SYNE1: variants seen among roughly 807,000 people sequenced by gnomAD.
The protein encoded by SYNE1 is nesprin-1.
Under a neutral mutation model 1,111.0 loss-of-function variants are expected in SYNE1, and 616 were observed. The observed-to-expected ratio is 0.55, with a 90% CI of 0.52 to 0.59. SYNE1 has a LOEUF of 0.59. Among genes scored for constraint, SYNE1 ranks in the 20% least tolerant of loss-of-function variants. SYNE1 has a pLI of 0.00. For missense variants in SYNE1, 10,006 were observed against 10,417.0 expected (o/e 0.96, Z 1.72); for synonymous variants, 3,855 against 3,825.8 (o/e 1.01, Z -0.28).
chr6:152,390,185 T>C, intron 53 of SYNE1, 95 bp downstream of exon 53: 1 of 1,373,350 alleles, frequency 7.3e-7, no homozygotes, highest in Non-Finnish European at 1.0e-6. Context: ...AGTAAAATGC[T>C]TGGGAATTCC....
At chr6:152,490,956 T>C (rs2098967144) in intron 11 of SYNE1, among the ~76,000 whole-genome samples, 1 of 152,336 alleles carries the variant, frequency 6.6e-6, no homozygotes. Context: ...CCAATTCCAG[T>C]TCTTTTTCCT....
chr6:152,289,264 C>T (rs956165635), intron 95 of SYNE1, among the ~76,000 whole-genome samples: 1 of 152,160 alleles, frequency 6.6e-6, no homozygotes, highest in African/African-American at 2.4e-5. Context: ...TAATTGCAAA[C>T]TTGGCATGTG....
rs1005527263 is a variant in SYNE1, at chr6:152,278,397, A to AT, written c.18382-118dup. Reference sequence around the variant, plus strand: ...TTTACGAAACGGACAGGCTTTCATGATTTTTTGTAGTTTTCCCACGGCCTT... The same window carrying AT: ...TTTACGAAACGGACAGGCTTTCATGATTTTTTTGTAGTTTTCCCACGGCCTT... On this transcript the variant is annotated intron_variant, in intron 97 of 145. Transcript: ENST00000367255. The AT allele has an allele frequency of 5.5e-5, 69 of 1,258,868 alleles. No individual in the cohort carries two copies. In the African/African-American group the frequency reaches 7.0e-4, roughly 13 times the overall value. 78.0% of individuals were successfully genotyped at this position (1,258,868 alleles called of 1,614,324 possible). A position where few individuals can be genotyped will look rare whatever the true frequency, so the allele number is the denominator to read the frequency against.
chr6:152,194,392 T>A (rs1236553731), intron 127 of SYNE1, among the ~76,000 whole-genome samples: 1 of 152,168 alleles, frequency 6.6e-6, no homozygotes, highest in Non-Finnish European at 1.5e-5. Flanking sequence ...AAGCTCCATT[T>A]TATGTTATTT....
At chr6:152,327,596 A>G (rs536016014) in intron 78 of SYNE1, among the ~76,000 whole-genome samples, 2 of 152,328 alleles carry the variant, frequency 1.3e-5, no homozygotes, top group South Asian at 4.1e-4. Flanking sequence ...ATGAGCACCA[A>G]TTAGGGAAAG....
chr6:152,489,049 A>T (rs976899178), intron 11 of SYNE1, among the ~76,000 whole-genome samples: 2 of 152,186 alleles, frequency 1.3e-5, no homozygotes, highest in Non-Finnish European at 2.9e-5. Context: ...GGAACATAAT[A>T]CCTATTAGAG....
chr6:152,467,210 T>C (rs769135695), intron 16 of SYNE1, among the ~76,000 whole-genome samples: 12 of 152,148 alleles, frequency 7.9e-5, no homozygotes, highest in Non-Finnish European at 1.6e-4. Flanking sequence ...GGTTCCATGA[T>C]GAATACTACA....
rs2097783285 is a variant in SYNE1 at position 152,399,654 on chromosome 6, T to C, written c.7199A>G (p.Gln2400Arg). 6.2e-7 allele frequency: 1 copy of C among 1,614,148 alleles called. No homozygotes were observed. Among genetic ancestry groups the C allele is most frequent in the African/African-American group, 1.3e-5 (1 of 75,038 alleles). ...TTCCAGAGATTCCTGCAGGCTGGCC[T>C]GGGTTTTGGAGCACAACTGGCTCAC... Reference protein sequence around the residue: ...EAVSQLCSKTQASLQESLEKH... With the variant: ...EAVSQLCSKTRASLQESLEKH... Residue 2400 changes from glutamine to arginine, a missense_variant, in exon 48 of 146, where the codon CAG becomes CGG. By Grantham distance (43) the Gln-to-Arg change is conservative. Coordinates refer to ENST00000367255, the MANE Select transcript of SYNE1 (RefSeq NM_182961.4).
intron 16 of SYNE1, among the ~76,000 whole-genome samples, chr6:152,470,173 C>T (rs1023191493): frequency 2.6e-5 from 4 of 152,052 alleles, no homozygotes; most frequent in Admixed American, 6.6e-5. Context: ...GGAGTACTAA[C>T]GTTTTTATCA....
At chr6:152,278,544 G>A (rs1210183262) in intron 97 of SYNE1, among the ~76,000 whole-genome samples, 1 of 151,654 alleles carries the variant, frequency 6.6e-6, no homozygotes, top group African/African-American at 2.4e-5. Context: ...CTCACTGCAA[G>A]CTCCGCCTCC....
intron 126 of SYNE1, among the ~76,000 whole-genome samples, chr6:152,202,378 A>T (rs2075673582): frequency 1.3e-5 from 2 of 150,462 alleles, no homozygotes; most frequent in Admixed American, 1.3e-4. Flanking sequence ...AAGCAAAAAA[A>T]AAAAAGAACA....
Position 152,268,116 on chromosome 6 carries a change from G to T in SYNE1, c.18755C>A (p.Ala6252Asp). 6.2e-7 allele frequency: 1 copy of T among 1,614,088 alleles called. No homozygotes were observed. Among genetic ancestry groups the T allele is most frequent in the Non-Finnish European group, 8.5e-7 (1 of 1,179,998 alleles). Residue 6252 changes from alanine to aspartate, a missense_variant, in exon 100 of 146, where the codon GCC (alanine) becomes GAC (aspartate). Transcript: ENST00000367255. Reference protein sequence around the residue: ...AEQKSLLRSVASRGEEILIQH... With the variant: ...AEQKSLLRSVDSRGEEILIQH... ...AATTAGAATCTCCTCTCCACGACTG[G>T]CTACTGAGCGAAGGAGACTCTTCTG...
At chr6:152,268,545 T>C (rs1022290639) in intron 99 of SYNE1, among the ~76,000 whole-genome samples, 109 of 152,208 alleles carry the variant, frequency 7.2e-4, no homozygotes, top group Non-Finnish European at 3.1e-4. Context: ...CTCCACTTAA[T>C]TGATAAATTA....
In SYNE1 at chr6:152,329,709, G is replaced by C. The variant is rs549390348; in HGVS notation, c.14955+21C>G. 3.2e-5 allele frequency: 52 copies of C among 1,614,168 alleles called. No homozygotes were observed. The South Asian group carries it at 4.9e-4, about 15-fold the overall frequency. On this transcript the variant is annotated intron_variant, in intron 78 of 145. Transcript: ENST00000367255. ...AATAAGCAGAGTGGAAAAAAGAGAA[G>C]TGAAGTCCTATTATACCCACCTGTC...
intron 23 of SYNE1, 128 bp from the exon 24 acceptor site, chr6:152,455,718 ACT>A: frequency 7.1e-7 from 1 of 1,408,190 alleles, no homozygotes; most frequent in Non-Finnish European, 9.9e-7. Context: ...GGAATAATTA[ACT>A]CTTTTCAATA....
chr6:152,259,920 G>A (rs1162445321), intron 101 of SYNE1, among the ~76,000 whole-genome samples: 1 of 152,116 alleles, frequency 6.6e-6, no homozygotes, highest in Non-Finnish European at 1.5e-5. Flanking sequence ...GGCAAGGGAG[G>A]CACAACATGA....
intron 9 of SYNE1, among the ~76,000 whole-genome samples, chr6:152,503,360 A>G (rs905611096): frequency 6.6e-6 from 1 of 152,198 alleles, no homozygotes; most frequent in Non-Finnish European, 1.5e-5. Context: ...TCTTCGAGGG[A>G]AACTCTTCGA....
rs1247268148 is a variant in SYNE1, at chr6:152,369,098, C to A, written c.9681G>T (p.Glu3227Asp). Residue 3227 changes from glutamate to aspartate, a missense_variant, in exon 61 of 146, where the codon GAG becomes GAT. Coordinates refer to ENST00000367255, the MANE Select transcript of SYNE1 (RefSeq NM_182961.4). ...TCTCTTTCAGCCTGTTGAGCTGAGG[C>A]TCGTAGCAGTGTATTTCCTCAAGGA... ...QSVLEEIHCY[E>D]PQLNRLKEKA... 1 of 1,613,842 alleles carries A rather than the reference C, an allele frequency of 6.2e-7. No homozygotes were observed. The highest frequency in any genetic ancestry group is 1.3e-5 in the African/African-American group (1 of 74,934).
intron 131 of SYNE1, 107 bp downstream of exon 131, chr6:152,164,056 C>T: frequency 6.7e-7 from 1 of 1,490,364 alleles, no homozygotes; most frequent in Non-Finnish European, 9.3e-7. Context: ...GCCTAGCTCC[C>T]TGCTGACCTT....
Sources: gnomAD v4.1 joint callset for allele counts (sites outside exome capture counted in the v4.1 genomes callset) on GRCh38, gnomAD v4.1.1 for gene constraint, MANE v1.5 for transcripts, NCBI Gene and HGNC (gene_info 2026-07-23, HGNC 2026-07-21) for gene names.